Variants in CACNA1C observed in about 807,000 individuals in gnomAD.
CACNA1C encodes the protein voltage-dependent L-type calcium channel subunit alpha-1C.
Under a neutral mutation model 229.0 loss-of-function variants are expected in CACNA1C, and 30 were observed. The ratio of observed to expected loss-of-function variants is 0.13; its 90% CI spans 0.10 to 0.18. CACNA1C has a LOEUF of 0.18. Among genes scored for constraint, CACNA1C ranks in the 10% least tolerant of loss-of-function variants. The probability of loss-of-function intolerance (pLI) is 1.00; values close to 1 mark genes in which losing one functional copy is unlikely to be tolerated. For missense variants in CACNA1C, 1,658 were observed against 2,845.0 expected (o/e 0.58, Z 9.49); for synonymous variants, 1,114 against 1,132.5 (o/e 0.98, Z 0.33).
At chr12:2,059,154 G>C (rs1051102068) in intron 1 of CACNA1C, among the ~76,000 whole-genome samples, 9 of 152,208 alleles carry the variant, frequency 5.9e-5, no homozygotes, top group Admixed American at 3.9e-4. Context: ...CCCCAGCTGG[G>C]AGATGGGGAG....
At chr12:2,303,204 C>G (rs2094715849) in intron 3 of CACNA1C, among the ~76,000 whole-genome samples, 1 of 152,216 alleles carries the variant, frequency 6.6e-6, no homozygotes, top group African/African-American at 2.4e-5. Flanking sequence ...GTGAGGAAAC[C>G]TGGATTCATT....
intron 3 of CACNA1C, among the ~76,000 whole-genome samples, chr12:2,168,166 G>A (rs2096321883): frequency 6.6e-6 from 1 of 152,144 alleles, no homozygotes; most frequent in South Asian, 2.1e-4. Flanking sequence ...AGCCTTCTGG[G>A]TTATATTAAG....
At chr12:2,663,441 ACCATTCCATCCAGCAGTC>A (rs1437698948) in intron 34 of CACNA1C, among the ~76,000 whole-genome samples, 1 of 152,226 alleles carries the variant, frequency 6.6e-6, no homozygotes, top group Non-Finnish European at 1.5e-5. Flanking sequence ...AAGTAGACCT[ACCATTCCATCCAGCAGTC>A]CCACTCCTGG....
intron 1 of CACNA1C, among the ~76,000 whole-genome samples, chr12:2,086,632 G>A (rs536831478): frequency 1.6e-4 from 24 of 152,160 alleles, no homozygotes; most frequent in Non-Finnish European, 3.2e-4. Flanking sequence ...TGGTCAGGTG[G>A]CCTTCCACAT....
At chr12:2,324,328 T>C (rs2096178055) in intron 3 of CACNA1C, among the ~76,000 whole-genome samples, 1 of 152,208 alleles carries the variant, frequency 6.6e-6, no homozygotes, top group African/African-American at 2.4e-5. Context: ...TTCATTTTGC[T>C]TTGGGGAGAT....
At chr12:2,337,216 T>C (rs1212808095) in intron 3 of CACNA1C, among the ~76,000 whole-genome samples, 1 of 152,196 alleles carries the variant, frequency 6.6e-6, no homozygotes, top group Admixed American at 6.5e-5. Flanking sequence ...TTCTGCATGG[T>C]CAGTAGTCCC....
At chr12:2,155,255 C>T (rs2095501016) in intron 3 of CACNA1C, among the ~76,000 whole-genome samples, 2 of 152,110 alleles carry the variant, frequency 1.3e-5, no homozygotes, top group Admixed American at 6.5e-5. Flanking sequence ...GACCTGTGGA[C>T]AACAGGAGTT....
chr12:2,420,130 T>TGTGTGTGTGTGTGTGTGTGC, intron 3 of CACNA1C, among the ~76,000 whole-genome samples: 1 of 150,728 alleles, frequency 6.6e-6, no homozygotes, highest in African/African-American at 2.5e-5. Flanking sequence ...TGTGTGTGTG[T>TGTGTGTGTGTGTGTGTGTGC]GTGTGTGTGT....
At chr12:2,264,234 C>T (rs2081437630) in intron 3 of CACNA1C, among the ~76,000 whole-genome samples, 1 of 152,202 alleles carries the variant, frequency 6.6e-6, no homozygotes, top group Non-Finnish European at 1.5e-5. Flanking sequence ...GGGGATGCCT[C>T]TGCAAGGGCT....
At chr12:2,178,703 GATT>G (rs1216395439) in intron 3 of CACNA1C, among the ~76,000 whole-genome samples, 1 of 152,152 alleles carries the variant, frequency 6.6e-6, no homozygotes, top group Non-Finnish European at 1.5e-5. Flanking sequence ...TTGAGTACCA[GATT>G]ATTAACAGGA....
intron 29 of CACNA1C, among the ~76,000 whole-genome samples, chr12:2,623,192 G>C (rs1367427956): frequency 6.6e-6 from 1 of 152,180 alleles, no homozygotes; most frequent in African/African-American, 2.4e-5. Context: ...GGGATGAAAG[G>C]AAAGTGGCTG....
intron 29 of CACNA1C, among the ~76,000 whole-genome samples, chr12:2,627,578 C>G (rs2153538180): frequency 6.6e-6 from 1 of 152,228 alleles, no homozygotes; most frequent in South Asian, 2.1e-4. Flanking sequence ...AGCGCCCTGC[C>G]TGGCGCACCT....
At chr12:2,408,157 C>T (rs1386530224) in intron 3 of CACNA1C, among the ~76,000 whole-genome samples, 4 of 152,210 alleles carry the variant, frequency 2.6e-5, no homozygotes, top group Non-Finnish European at 4.4e-5. Flanking sequence ...ACAAATATTA[C>T]ATGGTTCCAC....
At chr12:2,185,931 C>T (rs560609017) in intron 3 of CACNA1C, among the ~76,000 whole-genome samples, 32 of 152,278 alleles carry the variant, frequency 2.1e-4, no homozygotes, top group Non-Finnish European at 3.7e-4. Context: ...GTGGCTGTCC[C>T]GTGCCGAGCG....
chr12:2,528,140 T>C (rs560283961), intron 9 of CACNA1C, among the ~76,000 whole-genome samples: 4 of 152,286 alleles, frequency 2.6e-5, no homozygotes, highest in African/African-American at 7.2e-5. Context: ...TGAACAATTG[T>C]CGTGTGCTAT....
At chr12:2,301,957 A>G (rs539521670) in intron 3 of CACNA1C, among the ~76,000 whole-genome samples, 2 of 152,344 alleles carry the variant, frequency 1.3e-5, no homozygotes, top group South Asian at 2.1e-4. Context: ...TTGCGAGGCT[A>G]TTTTGAAGAC....
In CACNA1C at chr12:2,361,609, C is replaced by T. The variant is rs979949901; in HGVS notation, c.478-87367C>T. 5.9e-5 allele frequency among the ~76,000 whole-genome samples: 9 copies of T among 152,276 alleles called. No homozygotes were observed. The East Asian group carries it at 7.7e-4, about 13-fold the overall frequency. ...GATGGAAGCCAAGCATTGAGGATGG[C>T]AAAGCAGAAAGCTGAAAGCCTGGGA... On this transcript the variant is annotated intron_variant, in intron 3 of 46. Transcript: ENST00000399655.
At chr12:2,459,170 T>TTTTTTTTTTTTTTTTTTG (rs2099477029) in intron 5 of CACNA1C, among the ~76,000 whole-genome samples, 1 of 9,372 alleles carries the variant, frequency 1.1e-4, no homozygotes, top group Non-Finnish European at 2.2e-4. Flanking sequence ...TTTGTGTGTG[T>TTTTTTTTTTTTTTTTTTG]TTTTTTTTTT....
chr12:2,047,460 A>T (rs2051276073), intron 1 of CACNA1C, among the ~76,000 whole-genome samples: 1 of 152,236 alleles, frequency 6.6e-6, no homozygotes, highest in South Asian at 2.1e-4. Flanking sequence ...ACATGCCCAT[A>T]GCTCATAGCA....
Sources: allele counts gnomAD v4.1 joint callset (sites outside exome capture counted in the v4.1 genomes callset), GRCh38; gene constraint gnomAD v4.1.1; transcripts MANE v1.5; gene names NCBI Gene and HGNC (gene_info 2026-07-23, HGNC 2026-07-21).